Variants in WWC2 observed in about 807,000 individuals in gnomAD.
WWC2 encodes the protein WW and C2 domain containing 2, also known as protein WWC2.
In WWC2, 101 loss-of-function variants were observed where a neutral mutation model predicts 138.5. The observed-to-expected ratio is 0.73, with a 90% confidence interval of 0.62 to 0.86. The LOEUF (loss-of-function observed/expected upper bound fraction) is 0.86. WWC2 is among the 40% of genes least tolerant of loss of function. The pLI is 0.00. For synonymous variants in WWC2, 558 were observed against 538.4 expected (o/e 1.04, Z -0.50); for missense variants, 1,420 against 1,419.4 (o/e 1.00, Z -0.01).
At chr4:183,224,477 G>A (rs1206542409) in intron 4 of WWC2, among the ~76,000 whole-genome samples, 1 of 152,180 alleles carries the variant, frequency 6.6e-6, no homozygotes, top group African/African-American at 2.4e-5. Context: ...AAAGATAGAT[G>A]AAATTATAAA....
At chr4:183,281,097 C>A in intron 17 of WWC2, 200 bp downstream of exon 17, 1 of 623,200 alleles carries the variant, frequency 1.6e-6, no homozygotes. Flanking sequence ...AAAGTTAAAA[C>A]ATTAGCCAGA....
intron 2 of WWC2, 55 bp from the exon 3 acceptor site, chr4:183,207,894 TAAAC>T: frequency 6.8e-7 from 1 of 1,478,352 alleles, no homozygotes; most frequent in African/African-American, 1.4e-5. Context: ...CCCTAAAGCT[TAAAC>T]AAGCCGGAAA....
chr4:183,260,859 A>G (rs1446717708), intron 10 of WWC2, 51 bp from the exon 11 acceptor site: 2 of 1,590,740 alleles, frequency 1.3e-6, no homozygotes, highest in Non-Finnish European at 1.7e-6. Flanking sequence ...GATTGTGATT[A>G]GGTTTTCCAT....
At position 183,249,921 on chromosome 4, in the gene WWC2, T is replaced by C. The variant is rs1560866367; in HGVS notation, c.881T>C (p.Ile294Thr). The C allele has an allele frequency of 6.2e-7, 1 of 1,613,024 alleles. No individual in the cohort carries two copies. Among genetic ancestry groups the C allele is most frequent in the Non-Finnish European group, 8.5e-7 (1 of 1,179,342 alleles). The change falls in exon 8 of 23, where the codon ATT becomes ACT. Residue 294 changes from isoleucine (I) to threonine (T), a missense_variant and splice_region_variant. Ile to Thr is a moderately conservative substitution (Grantham distance 89, BLOSUM62 -1). Coordinates refer to ENST00000403733, the MANE Select transcript of WWC2 (RefSeq NM_024949.6). Reference protein sequence around the residue: ...AGSQTSISGDIGVRSRSNLAE... With the variant: ...AGSQTSISGDTGVRSRSNLAE... ...TTTTCCTTTTTCTTTTTCCACTAGATTGGAGTAAGAAGTAGATCAAATTTA... is the reference window on the plus strand; with the variant it reads ...TTTTCCTTTTTCTTTTTCCACTAGACTGGAGTAAGAAGTAGATCAAATTTA...
intron 9 of WWC2, among the ~76,000 whole-genome samples, chr4:183,258,835 T>C (rs1737232171): frequency 6.6e-6 from 1 of 152,186 alleles, no homozygotes. Flanking sequence ...CTACTTTATT[T>C]CATGATGTCT....
intron 1 of WWC2, among the ~76,000 whole-genome samples, chr4:183,189,104 GTTTC>G (rs1268862820): frequency 2.6e-5 from 4 of 151,608 alleles, no homozygotes; most frequent in Admixed American, 2.6e-4. Context: ...TCCTTTGTTT[GTTTC>G]TTTGTGTTGC....
chr4:183,193,433 G>A (rs1033844359), intron 1 of WWC2, among the ~76,000 whole-genome samples, 166 bp from the exon 2 acceptor site: 4 of 151,744 alleles, frequency 2.6e-5, no homozygotes, highest in South Asian at 2.1e-4. Context: ...AGGGTATTAC[G>A]ACTTGTCCTA....
At chr4:183,304,579 G>A (rs1367738039) in intron 21 of WWC2, among the ~76,000 whole-genome samples, 3 of 152,116 alleles carry the variant, frequency 2.0e-5, no homozygotes, top group African/African-American at 7.2e-5. Context: ...TTTGGTAAGG[G>A]AAATACTCAA....
intron 18 of WWC2, among the ~76,000 whole-genome samples, chr4:183,283,674 T>C (rs1738154122): frequency 6.6e-6 from 1 of 152,230 alleles, no homozygotes; most frequent in Admixed American, 6.5e-5. Flanking sequence ...GGTTTTATTT[T>C]TGTTACATTT....
Position 183,120,960 on chromosome 4 carries a change from C to G in WWC2, c.131+21338C>G, listed in dbSNP as rs150856478. ...CATTGTGGCCAGGAGGGGTTGCTTA[C>G]GCCTTTGATCCCAGCACTTTGGGAG... On this transcript the variant is annotated intron_variant, in intron 1 of 22. Transcript: ENST00000403733. Among the ~76,000 whole-genome samples, 57 of 152,300 alleles carry G rather than the reference C, an allele frequency of 3.7e-4. No individual in the cohort carries two copies. The East Asian group carries it at 6.8e-3, about 18-fold the overall frequency.
intron 1 of WWC2, among the ~76,000 whole-genome samples, chr4:183,130,274 G>T (rs1029776338): frequency 6.6e-6 from 1 of 152,092 alleles, no homozygotes; most frequent in East Asian, 1.9e-4. Context: ...GGATGGTCTT[G>T]ATCTCCTGAC....
rs1251425425 is a variant in WWC2, at chr4:183,240,266, A to G, written c.602+4A>G. The G allele has an allele frequency of 1.3e-6, 2 of 1,545,486 alleles. No individual in the cohort carries two copies. Among genetic ancestry groups the G allele is most frequent in the Non-Finnish European group, 1.7e-6 (2 of 1,145,298 alleles). ...AAGGCTTTGAAACATTGCAGCAGTG[A>G]GTATGAAAAGACTGAATCAACTTTA... On this transcript the variant is annotated splice_donor_region_variant and intron_variant, in intron 5 of 22. Transcript: ENST00000403733.
chr4:183,163,657 A>AC, intron 1 of WWC2, among the ~76,000 whole-genome samples: 1 of 152,146 alleles, frequency 6.6e-6, no homozygotes, highest in East Asian at 1.9e-4. Flanking sequence ...GACTTGACCT[A>AC]CGTTACAGGT....
At chr4:183,315,487 C>T (rs188197068) in intron 22 of WWC2, among the ~76,000 whole-genome samples, 176 bp from the exon 23 acceptor site, 4 of 145,666 alleles carry the variant, frequency 2.7e-5, no homozygotes, top group African/African-American at 8.5e-5. Flanking sequence ...TGATACCCCC[C>T]CTTTAAGCAG....
intron 4 of WWC2, among the ~76,000 whole-genome samples, chr4:183,222,793 A>T (rs1735968982): frequency 1.3e-5 from 2 of 152,032 alleles, no homozygotes; most frequent in Non-Finnish European, 2.9e-5. Flanking sequence ...ACCCATCTCT[A>T]CTGTTAATAA....
intron 4 of WWC2, among the ~76,000 whole-genome samples, chr4:183,216,156 G>T (rs1735748853): frequency 6.6e-6 from 1 of 152,160 alleles, no homozygotes; most frequent in South Asian, 2.1e-4. Flanking sequence ...ACAACCTCCT[G>T]ATGCCATGAC....
chr4:183,319,955 A>G lies in WWC2; in HGVS notation c.*4226A>G, dbSNP rs1253536044. On this transcript the variant is annotated 3_prime_UTR_variant, in exon 23 of 23. Coordinates refer to ENST00000403733, the MANE Select transcript of WWC2 (RefSeq NM_024949.6). ...CCAGCAGGCCCAGAAATCCCAGCCC[A>G]TTTGACAGAAACATTAAGATCCTGG... 1.9e-6 allele frequency: 3 copies of G among 1,613,408 alleles called. No homozygotes were observed. Among genetic ancestry groups the G allele is most frequent in the Non-Finnish European group, 2.5e-6 (3 of 1,179,644 alleles).
chr4:183,131,198 T>TA (rs1368941914), intron 1 of WWC2, among the ~76,000 whole-genome samples: 2 of 152,134 alleles, frequency 1.3e-5, no homozygotes, highest in African/African-American at 4.8e-5. Flanking sequence ...CTTCACATCT[T>TA]ACACGGAAAT....
At chr4:183,165,644 CAT>C (rs1324168766) in intron 1 of WWC2, among the ~76,000 whole-genome samples, 1 of 152,124 alleles carries the variant, frequency 6.6e-6, no homozygotes, top group Admixed American at 6.5e-5. Flanking sequence ...CCTTCAGACT[CAT>C]AGCAAATAGG....
Sources: allele counts gnomAD v4.1 joint callset (sites outside exome capture counted in the v4.1 genomes callset), GRCh38; gene constraint gnomAD v4.1.1; transcripts MANE v1.5; gene names NCBI Gene and HGNC (gene_info 2026-07-23, HGNC 2026-07-21).